Variants in EXOC4 observed in about 807,000 individuals in gnomAD.
The protein encoded by EXOC4 is SEC8-like 1.
Under a neutral mutation model 107.2 loss-of-function variants are expected in EXOC4, and 71 were observed. That is an observed-to-expected ratio of 0.66 (90% CI 0.55 to 0.81). EXOC4 has a LOEUF of 0.81. Among genes scored for constraint, EXOC4 ranks in the 30% least tolerant of loss-of-function variants. The pLI is 0.00. For missense variants in EXOC4, 1,108 were observed against 1,189.6 expected (o/e 0.93, Z 1.01); for synonymous variants, 456 against 441.2 (o/e 1.03, Z -0.42).
At chr7:134,091,692 A>G in the EXOC4 span, among the ~76,000 whole-genome samples, 1 of 152,200 alleles carries the variant, frequency 6.6e-6, no homozygotes, top group Non-Finnish European at 1.5e-5. Flanking sequence ...GGCTTCCAAA[A>G]GGCAGGAAAA....
intron 6 of EXOC4, among the ~76,000 whole-genome samples, chr7:133,358,566 G>T (rs140079700): frequency 1.1e-4 from 17 of 152,134 alleles, no homozygotes; most frequent in Admixed American, 7.2e-4. Flanking sequence ...CTGGATTTTC[G>T]TGAAGACCTT....
intron 9 of EXOC4, among the ~76,000 whole-genome samples, chr7:133,512,022 A>G (rs186229941): frequency 1.3e-5 from 2 of 152,356 alleles, no homozygotes; most frequent in South Asian, 2.1e-4. Flanking sequence ...CGATGAGACA[A>G]AATGGATCCT....
chr7:133,856,631 A>G (rs1338620172), intron 11 of EXOC4, among the ~76,000 whole-genome samples: 1 of 152,170 alleles, frequency 6.6e-6, no homozygotes, highest in Non-Finnish European at 1.5e-5. Context: ...CCTCTTAGAT[A>G]TCATTTACAT....
At chr7:133,420,339 A>T (rs1318432911) in intron 7 of EXOC4, among the ~76,000 whole-genome samples, 1 of 151,582 alleles carries the variant, frequency 6.6e-6, no homozygotes, top group Non-Finnish European at 1.5e-5. Context: ...CATGGTATAT[A>T]TGTGCCACAT....
At chr7:133,420,591 A>C (rs546413213) in intron 7 of EXOC4, among the ~76,000 whole-genome samples, 5 of 152,068 alleles carry the variant, frequency 3.3e-5, no homozygotes, top group Admixed American at 3.3e-4. Context: ...GCCGAAGGGG[A>C]GGGAAACACA....
At chr7:133,398,237 C>T (rs1182963873) in intron 7 of EXOC4, among the ~76,000 whole-genome samples, 1 of 152,118 alleles carries the variant, frequency 6.6e-6, no homozygotes, top group Non-Finnish European at 1.5e-5. Flanking sequence ...CTACAGCCTC[C>T]CAGGTTAAGA....
chr7:134,028,733 G>A (rs1795202096), intron 17 of EXOC4, among the ~76,000 whole-genome samples: 1 of 152,240 alleles, frequency 6.6e-6, no homozygotes. Context: ...CTGAGCCCCA[G>A]GAGTTTAGGG....
At chr7:133,679,069 C>T (rs1794128140) in intron 10 of EXOC4, among the ~76,000 whole-genome samples, 1 of 152,042 alleles carries the variant, frequency 6.6e-6, no homozygotes, top group Non-Finnish European at 1.5e-5. Flanking sequence ...ATCTTTAAGG[C>T]CCATCACATA....
intron 14 of EXOC4, among the ~76,000 whole-genome samples, chr7:133,963,763 T>C (rs1026651285): frequency 1.3e-5 from 2 of 152,248 alleles, no homozygotes; most frequent in African/African-American, 2.4e-5. Flanking sequence ...AAGCCTGCTC[T>C]GTGCCCAGGA....
chr7:133,896,496 A>T (rs1254532107), intron 12 of EXOC4, among the ~76,000 whole-genome samples: 3 of 136,394 alleles, frequency 2.2e-5, no homozygotes, highest in Non-Finnish European at 4.6e-5. Flanking sequence ...GTGAGGGCAG[A>T]AGGAACAAAA....
rs892104285 is a variant in EXOC4 at position 133,310,769 on chromosome 7, A to T, written c.656+4708A>T. 7.2e-5 allele frequency among the ~76,000 whole-genome samples: 11 copies of T among 152,280 alleles called. 1 individual carries two copies. On this transcript the variant is annotated intron_variant, in intron 4 of 17. Coordinates refer to ENST00000253861, the MANE Select transcript of EXOC4 (RefSeq NM_021807.4). The stretch of plus-strand genomic sequence containing the variant: ...CCTGCATCTTTCCTTTATCTCGTCA[A>T]GATTCAAACTTCTGGACTCAGGCAT...
At chr7:133,308,373 T>C (rs1486810141) in intron 4 of EXOC4, among the ~76,000 whole-genome samples, 3 of 152,166 alleles carry the variant, frequency 2.0e-5, no homozygotes, top group Admixed American at 2.0e-4. Context: ...TCTAATCCAG[T>C]AGGACTGATG....
chr7:133,563,320 C>G (rs1800844724), intron 9 of EXOC4, among the ~76,000 whole-genome samples: 1 of 152,054 alleles, frequency 6.6e-6, no homozygotes, highest in Non-Finnish European at 1.5e-5. Context: ...AGAAGTCAAT[C>G]AAAATTGGGC....
At chr7:133,534,644 C>T (rs577530775) in intron 9 of EXOC4, among the ~76,000 whole-genome samples, 192 of 152,232 alleles carry the variant, frequency 1.3e-3, no homozygotes, top group African/African-American at 4.2e-3. Context: ...TATATACACT[C>T]GCATACACAT....
At chr7:133,854,193 C>T (rs1320725434) in intron 11 of EXOC4, among the ~76,000 whole-genome samples, 3 of 152,060 alleles carry the variant, frequency 2.0e-5, no homozygotes, top group Admixed American at 6.5e-5. Context: ...TCACTTTACA[C>T]ATGCCTCTGC....
chr7:133,712,649 T>TAC (rs1397047978), intron 10 of EXOC4, among the ~76,000 whole-genome samples: 3 of 152,066 alleles, frequency 2.0e-5, no homozygotes, highest in African/African-American at 7.2e-5. Flanking sequence ...CAAGTACATA[T>TAC]ACACACACAT....
At position 133,648,111 on chromosome 7, in the gene EXOC4, C is replaced by T. The variant is rs373207107; in HGVS notation, c.1514+17970C>T. On this transcript the variant is annotated intron_variant, in intron 10 of 17. Transcript: ENST00000253861. ...ATAACTTAAGGACTTTTATTAAATA[C>T]ATTTACCCAAGGTAAATTTTCAAGC... 1.1e-4 allele frequency among the ~76,000 whole-genome samples: 16 copies of T among 152,268 alleles called. No homozygotes were observed. The South Asian group carries it at 3.3e-3, about 32-fold the overall frequency.
chr7:134,051,521 A>C (rs967698837), intron 17 of EXOC4, among the ~76,000 whole-genome samples: 1 of 151,928 alleles, frequency 6.6e-6, no homozygotes, highest in African/African-American at 2.4e-5. Context: ...AAATACAAAA[A>C]ATTAGCTGGG....
intron 9 of EXOC4, among the ~76,000 whole-genome samples, chr7:133,496,438 G>A (rs1339939358): frequency 4.6e-5 from 7 of 152,174 alleles, no homozygotes; most frequent in Non-Finnish European, 5.9e-5. Context: ...AAGCACTGGG[G>A]TTATAGGCTT....
Sources: gnomAD v4.1 joint callset for allele counts (sites outside exome capture counted in the v4.1 genomes callset) on GRCh38, gnomAD v4.1.1 for gene constraint, MANE v1.5 for transcripts, NCBI Gene and HGNC (gene_info 2026-07-23, HGNC 2026-07-21) for gene names.